The following SELENOS variants were observed in gnomAD, a reference collection of about 807,000 sequenced individuals.
The protein encoded by SELENOS is selenoprotein S.
SELENOS carries 37 observed loss-of-function variants against 30.2 expected under a neutral mutation model. That is an observed-to-expected ratio of 1.23 (90% CI 0.94 to 1.61). The LOEUF (loss-of-function observed/expected upper bound fraction) is 1.61, where lower values mean the gene tolerates loss of function less well. SELENOS is among the 40% of genes most tolerant of loss of function. SELENOS has a pLI of 0.00. For synonymous variants in SELENOS, 119 were observed against 91.6 expected (o/e 1.30, Z -1.71); for missense variants, 289 against 231.8 (o/e 1.25, Z -1.60).
rs1232695217 is a variant in SELENOS, at chr15:101,272,329, A to G, written c.*442T>C. On this transcript the variant is annotated 3_prime_UTR_variant, in exon 6 of 6. Coordinates refer to ENST00000526049, the MANE Select transcript of SELENOS (RefSeq NM_018445.6). Reference sequence around the variant, plus strand: ...CAAAGTTCTGTACATAAAAATAAATATACAGAAACAAACCCCATCAACTGT... The same window carrying G: ...CAAAGTTCTGTACATAAAAATAAATGTACAGAAACAAACCCCATCAACTGT... 6.5e-6 allele frequency: 1 copy of G among 153,264 alleles called. No individual in the cohort carries two copies. The highest frequency in any genetic ancestry group is 2.4e-5 in the African/African-American group (1 of 41,506). The allele number at this position is 153,264 out of a possible 1,614,324, so 9.5% of individuals were successfully genotyped here.
chr15:101,277,355 G>A lies in SELENOS; in HGVS notation c.63C>T (p.Phe21=). 1.3e-6 allele frequency: 2 copies of A among 1,515,312 alleles called. No individual in the cohort carries two copies. The highest frequency in any genetic ancestry group is 1.4e-5 in the African/African-American group (1 of 69,802). The allele number at this position is 1,515,312 out of a possible 1,614,324, so 93.9% of individuals were successfully genotyped here. A position where few individuals can be genotyped will look rare whatever the true frequency, so the allele number is the denominator to read the frequency against. The part of the protein sequence containing the change: ...RPALETEGLR[F]LHTTVGSLLA... Reference sequence around the variant, plus strand: ...GCAACGACTCACCCGTGGTGTGCAGGAAGCGCAGCCCCTCGGTCTCCAGGG... The same window carrying A: ...GCAACGACTCACCCGTGGTGTGCAGAAAGCGCAGCCCCTCGGTCTCCAGGG... Residue 21 remains phenylalanine, a synonymous_variant, in exon 1 of 6, where the codon TTC becomes TTT. Coordinates refer to ENST00000526049, the MANE Select transcript of SELENOS (RefSeq NM_018445.6).
intron 5 of SELENOS, 98 bp downstream of exon 5, chr15:101,274,322 A>C (rs2039299309): frequency 7.3e-7 from 1 of 1,378,004 alleles, no homozygotes; most frequent in Non-Finnish European, 1.0e-6. Context: ...AATTAGTCTT[A>C]ATTTATGGAC....
At chr15:101,276,862 G>T (rs1031536220) in intron 1 of SELENOS, 187 bp from the exon 2 acceptor site, 1 of 657,026 alleles carries the variant, frequency 1.5e-6, no homozygotes, top group Non-Finnish European at 2.5e-6. Flanking sequence ...GGATCACTGA[G>T]AAGTGAGACT....
chr15:101,275,414 A>C, intron 2 of SELENOS, 53 bp from the exon 3 acceptor site: 1 of 1,416,346 alleles, frequency 7.1e-7, no homozygotes, highest in Non-Finnish European at 9.4e-7. Context: ...TATAAAATAG[A>C]AACTTTTGAG....
chr15:101,272,915 T>A (rs78817529), intron 5 of SELENOS, 59 bp from the exon 6 acceptor site: 2 of 1,441,246 alleles, frequency 1.4e-6, no homozygotes, highest in Admixed American at 3.9e-5. Context: ...TCTGGGAACA[T>A]TGTATATCCA....
chr15:101,273,331 CA>C (rs770361438), intron 5 of SELENOS, among the ~76,000 whole-genome samples: 41 of 152,290 alleles, frequency 2.7e-4, no homozygotes, highest in Non-Finnish European at 5.4e-4. Context: ...ATGAGCTTCC[CA>C]AAGTCAGTGC....
intron 5 of SELENOS, chr15:101,274,163 A>C: frequency 1.8e-6 from 1 of 540,972 alleles, no homozygotes; most frequent in Non-Finnish European, 3.3e-6. Flanking sequence ...AGATTGGCAG[A>C]CAATTCCTCA....
chr15:101,276,469 T>C, intron 2 of SELENOS, 72 bp downstream of exon 2: 1 of 1,452,308 alleles, frequency 6.9e-7, no homozygotes. Flanking sequence ...CTCTTACTTT[T>C]ACTAAGAGAC....
At chr15:101,276,991 G>C (rs1480492304) in intron 1 of SELENOS, 1 of 534,776 alleles carries the variant, frequency 1.9e-6, no homozygotes. Flanking sequence ...GAGCCACATA[G>C]AAAGGGGTGA....
At chr15:101,277,042 C>A in intron 1 of SELENOS, 1 of 593,886 alleles carries the variant, frequency 1.7e-6, no homozygotes. Flanking sequence ...CTGTGTGGGA[C>A]GGGTCCCAGA....
At position 101,272,796 on chromosome 15, in the gene SELENOS, CCTCTGCGTCCAGGTCTCCAGGAGCAAG is replaced by C; in HGVS notation, c.518_544del (p.Ala173_Arg181del). The C allele has an allele frequency of 6.2e-7, 1 of 1,610,074 alleles. No individual in the cohort carries two copies. Among genetic ancestry groups the C allele is most frequent in the South Asian group, 1.1e-5 (1 of 89,932 alleles). The stretch of plus-strand genomic sequence containing the variant: ...TTAGCCTCATCCGCCAGATGACGGG[CCTCTGCGTCCAGGTCTCCAGGAGCAAG>C]CTCCGCCTCCTTCACCAGACAACGG... On this transcript the variant is annotated inframe_deletion, in exon 6 of 6. Transcript: ENST00000526049.
rs146114617 is a variant in SELENOS at position 101,276,524 on chromosome 15, G to T, written c.211+17C>A. 28 of 1,580,994 alleles carry T rather than the reference G, an allele frequency of 1.8e-5. No homozygotes were observed. Among genetic ancestry groups the T allele is most frequent in the African/African-American group, 4.1e-5 (3 of 72,678 alleles). On this transcript the variant is annotated intron_variant, in intron 2 of 5. Coordinates refer to ENST00000526049, the MANE Select transcript of SELENOS (RefSeq NM_018445.6). ...GGTGCAAAACCACCGCTTTCATTTCGGTTATCAGGCACTAACCCACAGCAG... is the reference window on the plus strand; with the variant it reads ...GGTGCAAAACCACCGCTTTCATTTCTGTTATCAGGCACTAACCCACAGCAG...
In SELENOS at chr15:101,276,680, A is replaced by C. The variant is rs1470595033; in HGVS notation, c.77-5T>G. Reference sequence around the variant, plus strand: ...AGGTGGCCAGCAGGGAGCCCACTGAAAAGAAAAACAGTTTTCAAAAAACTA... The same window carrying C: ...AGGTGGCCAGCAGGGAGCCCACTGACAAGAAAAACAGTTTTCAAAAAACTA... On this transcript the variant is annotated splice_polypyrimidine_tract_variant and splice_region_variant and intron_variant, in intron 1 of 5. Transcript: ENST00000526049. 1 of 1,598,564 alleles carries C rather than the reference A, an allele frequency of 6.3e-7. No homozygotes were observed. Among genetic ancestry groups the C allele is most frequent in the African/African-American group, 1.4e-5 (1 of 73,634 alleles).
At position 101,276,673 on chromosome 15, in the gene SELENOS, C is replaced by T. The variant is rs2039331895; in HGVS notation, c.79G>A (p.Gly27Ser). The T allele has an allele frequency of 6.3e-7, 1 of 1,599,672 alleles. No individual in the cohort carries two copies. Among genetic ancestry groups the T allele is most frequent in the Non-Finnish European group, 8.5e-7 (1 of 1,176,286 alleles). ...EGLRFLHTTV[G>S]SLLATYGWYI... Reference sequence around the variant, plus strand: ...CAGCCATAGGTGGCCAGCAGGGAGCCCACTGAAAAGAAAAACAGTTTTCAA... The same window carrying T: ...CAGCCATAGGTGGCCAGCAGGGAGCTCACTGAAAAGAAAAACAGTTTTCAA... The change falls in exon 2 of 6, where the codon GGC (glycine) becomes AGC (serine). Residue 27 changes from glycine to serine, a missense_variant and splice_region_variant. Gly to Ser is a moderately conservative substitution (Grantham distance 56, BLOSUM62 0). Transcript: ENST00000526049.
Position 101,276,242 on chromosome 15 carries a change from CTT to C in SELENOS, c.211+297_211+298del, listed in dbSNP as rs34035984. On this transcript the variant is annotated intron_variant, in intron 2 of 5. Coordinates refer to ENST00000526049, the MANE Select transcript of SELENOS (RefSeq NM_018445.6). ...CCCACCGAGAACCATATACTTCCTA[CTT>C]TTTTTTTTTTTTTTTTTTTAAAGAC... Among the ~76,000 whole-genome samples the C allele has an allele frequency of 6.1e-3, 749 of 122,450 alleles. 6 individuals are homozygous for C. Among genetic ancestry groups the C allele is most frequent in the African/African-American group, 0.02 (589 of 30,200 alleles). 80.3% of individuals were successfully genotyped at this position (122,450 alleles called of 152,430 possible). A position where few individuals can be genotyped will look rare whatever the true frequency, so the allele number is the denominator to read the frequency against.
chr15:101,277,135 C>G, intron 1 of SELENOS: 1 of 874,830 alleles, frequency 1.1e-6, no homozygotes, highest in Non-Finnish European at 1.8e-6. Context: ...AAACAAGGGA[C>G]AGCCGAGCCG....
At chr15:101,274,729 C>G in intron 3 of SELENOS, 48 bp from the exon 4 acceptor site, 1 of 1,539,672 alleles carries the variant, frequency 6.5e-7, no homozygotes. Context: ...GCTGCCATTT[C>G]TCTCAAAGAC....
Position 101,274,582 on chromosome 15 carries a change from C to A in SELENOS, c.408+10G>T. 6.2e-7 allele frequency: 1 copy of A among 1,613,342 alleles called. No homozygotes were observed. The highest frequency in any genetic ancestry group is 8.5e-7 in the Non-Finnish European group (1 of 1,179,514). ...CTACCGCATGCCAGCCGGCCGAGGT[C>A]TCCAGTCACCTGGGGCTTCTTTGCA... On this transcript the variant is annotated intron_variant, in intron 4 of 5. Transcript: ENST00000526049.
intron 1 of SELENOS, 91 bp downstream of exon 1, chr15:101,277,251 C>T: frequency 3.9e-6 from 6 of 1,520,846 alleles, no homozygotes; most frequent in East Asian, 2.5e-5. Flanking sequence ...TCCCAGGCTC[C>T]GGCGCCCGGT....
Sources: allele counts gnomAD v4.1 joint callset (sites outside exome capture counted in the v4.1 genomes callset), GRCh38; gene constraint gnomAD v4.1.1; transcripts MANE v1.5; gene names NCBI Gene and HGNC (gene_info 2026-07-23, HGNC 2026-07-21).